LYRM4: variants seen among roughly 807,000 people sequenced by gnomAD.
The protein encoded by LYRM4 is LYR motif-containing protein 4.
A neutral mutation model predicts 11.7 loss-of-function variants in LYRM4; 9 were observed. The observed-to-expected ratio is 0.77, with a 90% confidence interval of 0.46 to 1.34. The LOEUF (loss-of-function observed/expected upper bound fraction) is 1.34. Ranked by LOEUF, LYRM4 falls within the 40% of genes most tolerant of loss-of-function variation. The pLI is 0.00. For missense variants in LYRM4, 133 were observed against 112.5 expected, an observed-to-expected ratio of 1.18 and a Z score of -0.82; for synonymous variants, 42 against 40.4, an observed-to-expected ratio of 1.04 and a Z score of -0.15.
Position 5,251,806 on chromosome 6 carries a change from GA to G in LYRM4, c.86+8841del, listed in dbSNP as rs376129921. Among the ~76,000 whole-genome samples, 508 of 152,294 alleles carry G rather than the reference GA, an allele frequency of 3.3e-3. 5 individuals carry two copies. Among genetic ancestry groups the G allele is most frequent in the African/African-American group, 0.011 (457 of 41,566 alleles). On this transcript the variant is annotated intron_variant, in intron 1 of 2. Coordinates refer to ENST00000330636, the MANE Select transcript of LYRM4 (RefSeq NM_020408.6). ...GTGGAAGAGGCAGTCACTGTTAAAA[GA>G]TCCGCAACAAGGAAAACATGTGAAA... is the stretch of plus-strand genomic sequence containing the variant.
intron 1 of LYRM4, among the ~76,000 whole-genome samples, chr6:5,251,625 C>T (rs938436308): frequency 7.9e-5 from 12 of 152,224 alleles, no homozygotes; most frequent in South Asian, 2.1e-4. Flanking sequence ...TGGTGCTAAA[C>T]TATTCATGAG....
At chr6:5,182,072 G>A (rs551897809) in intron 2 of LYRM4, among the ~76,000 whole-genome samples, 34 of 152,214 alleles carry the variant, frequency 2.2e-4, no homozygotes, top group Admixed American at 1.8e-3. Context: ...TATAACAAAT[G>A]AACTTCGCCC....
chr6:5,128,600 G>A (rs1214291265), intron 2 of LYRM4, among the ~76,000 whole-genome samples: 1 of 152,232 alleles, frequency 6.6e-6, no homozygotes, highest in Admixed American at 6.5e-5. Flanking sequence ...GGAAGTGACA[G>A]TCACAAATAC....
chr6:5,207,327 C>T (rs779056774), intron 2 of LYRM4, among the ~76,000 whole-genome samples: 1 of 148,496 alleles, frequency 6.7e-6, no homozygotes, highest in African/African-American at 2.6e-5. Flanking sequence ...TGAGTGCACA[C>T]CCTCATATAC....
chr6:5,084,910 ACTCCCC>A, the LYRM4 span: 1 of 151,946 alleles, frequency 6.6e-6, no homozygotes, highest in African/African-American at 2.4e-5. Flanking sequence ...TGCACCGGGG[ACTCCCC>A]AGCCCGTGAG....
At chr6:5,098,754 G>A (rs754016982), downstream of LYRM4, among the ~76,000 whole-genome samples, 4 of 152,160 alleles carry the variant, frequency 2.6e-5, no homozygotes, top group Admixed American at 6.5e-5. Flanking sequence ...GTACCATGGC[G>A]GGCAGAACCC....
chr6:5,044,503 AG>A, the LYRM4 span, among the ~76,000 whole-genome samples: 1 of 152,188 alleles, frequency 6.6e-6, no homozygotes, highest in South Asian at 2.1e-4. Flanking sequence ...CAGCTTCAGG[AG>A]GGCAGGGCTC....
intron 2 of LYRM4, among the ~76,000 whole-genome samples, chr6:5,125,861 C>T (rs1763676377): frequency 6.6e-6 from 1 of 152,170 alleles, no homozygotes; most frequent in East Asian, 1.9e-4. Context: ...CCTTTGGACC[C>T]ATTTCTGATG....
chr6:5,157,597 A>C (rs1462573549), intron 2 of LYRM4, among the ~76,000 whole-genome samples: 1 of 152,168 alleles, frequency 6.6e-6, no homozygotes, highest in Non-Finnish European at 1.5e-5. Context: ...ACTTTAAAAC[A>C]GAAACAACAG....
At chr6:5,037,771 G>A in the LYRM4 span, among the ~76,000 whole-genome samples, 496 of 49,632 alleles carry the variant, frequency 1.0e-2, 1 homozygote, top group African/African-American at 0.03. Flanking sequence ...GCCGGGCAGA[G>A]GCGCCCCTCA....
chr6:5,180,140 T>C (rs1203450014), intron 2 of LYRM4, among the ~76,000 whole-genome samples: 1 of 152,224 alleles, frequency 6.6e-6, no homozygotes, highest in Non-Finnish European at 1.5e-5. Context: ...CAGGAGCTGG[T>C]TACTAATGAA....
At chr6:5,054,932 G>T in the LYRM4 span, among the ~76,000 whole-genome samples, 2 of 152,188 alleles carry the variant, frequency 1.3e-5, no homozygotes, top group East Asian at 1.9e-4. Flanking sequence ...CCTGTCTCTT[G>T]TGGGGGAAAT....
At chr6:5,104,370 G>GCT (rs1228670661), downstream of LYRM4, 2 of 152,102 alleles carry the variant, frequency 1.3e-5, no homozygotes, top group Non-Finnish European at 2.9e-5. Flanking sequence ...CGCCTTCCAG[G>GCT]CTCAAGTGAT....
At chr6:5,036,499 T>TGTCATAGA in the LYRM4 span, among the ~76,000 whole-genome samples, 3 of 152,200 alleles carry the variant, frequency 2.0e-5, no homozygotes, top group Admixed American at 6.5e-5. Context: ...CTGGGGCTGC[T>TGTCATAGA]GTCATAGAGC....
chr6:5,075,941 ATT>A, the LYRM4 span, among the ~76,000 whole-genome samples: 4 of 145,440 alleles, frequency 2.8e-5, no homozygotes, highest in African/African-American at 5.1e-5. Flanking sequence ...GGGTTTATGT[ATT>A]TTTTTTTTTT....
chr6:5,136,707 G>T (rs1757119462), intron 2 of LYRM4: 2 of 985,424 alleles, frequency 2.0e-6, no homozygotes, highest in Non-Finnish European at 2.4e-6. Context: ...ACAGTCTGTG[G>T]TAATGACATG....
At chr6:5,174,723 C>T (rs114710222) in intron 2 of LYRM4, among the ~76,000 whole-genome samples, 2,004 of 152,116 alleles carry the variant, frequency 0.013, 39 homozygotes, top group African/African-American at 0.044. Flanking sequence ...TGGAAGGTCC[C>T]CAATACTAAA....
At chr6:5,117,331 T>C (rs1263100824) in intron 2 of LYRM4, among the ~76,000 whole-genome samples, 1 of 152,084 alleles carries the variant, frequency 6.6e-6, no homozygotes, top group East Asian at 1.9e-4. Context: ...CCGAGGTGGG[T>C]GGATCACGAG....
chr6:5,227,256 G>A (rs956085209), intron 1 of LYRM4, among the ~76,000 whole-genome samples: 3 of 152,164 alleles, frequency 2.0e-5, no homozygotes, highest in Admixed American at 6.5e-5. Context: ...AGCTTGTTCC[G>A]ATGAAAGCCA....
Sources: allele counts gnomAD v4.1 joint callset (sites outside exome capture counted in the v4.1 genomes callset), GRCh38; gene constraint gnomAD v4.1.1; transcripts MANE v1.5; gene names NCBI Gene and HGNC (gene_info 2026-07-23, HGNC 2026-07-21).